The following AGAP1 variants were observed in gnomAD, a reference collection of about 807,000 sequenced individuals.
AGAP1 encodes the protein arf-GAP with GTPase, ANK repeat and PH domain-containing protein 1.
In AGAP1, 29 loss-of-function variants were observed where a neutral mutation model predicts 105.3. The ratio of observed to expected loss-of-function variants is 0.28; its 90% CI spans 0.21 to 0.38. The LOEUF is 0.38. Among genes scored for constraint, AGAP1 ranks in the 10% least tolerant of loss-of-function variants. The pLI, the probability that AGAP1 is intolerant of heterozygous loss-of-function variation, is 1.00. For missense variants in AGAP1, 998 were observed against 1,165.1 expected, an observed-to-expected ratio of 0.86 and a Z score of 2.09; for synonymous variants, 509 against 485.9, an observed-to-expected ratio of 1.05 and a Z score of -0.63.
At chr2:235,640,606 T>C (rs78761959) in intron 1 of AGAP1, among the ~76,000 whole-genome samples, 2,058 of 152,322 alleles carry the variant, frequency 0.014, 44 homozygotes, top group African/African-American at 0.046. Context: ...AGCTGTCTAA[T>C]TGGCAATGAC....
chr2:235,816,915 A>C (rs1385247491), intron 9 of AGAP1, among the ~76,000 whole-genome samples: 12 of 152,072 alleles, frequency 7.9e-5, no homozygotes, highest in Admixed American at 7.9e-4. Context: ...TACCAAGACC[A>C]AGACTCCTAA....
rs554204651 is a variant in AGAP1 at position 235,866,734 on chromosome 2, G to T, written c.1051-16611G>T. Among the ~76,000 whole-genome samples, 1 of 152,320 alleles carries T rather than the reference G, an allele frequency of 6.6e-6. No individual in the cohort carries two copies. Among genetic ancestry groups the T allele is most frequent in the East Asian group, 1.9e-4 (1 of 5,184 alleles). The stretch of plus-strand genomic sequence containing the variant: ...GGAAGTCTTGGATCAAGGCCTCAGT[G>T]GGATTGGCTTCTCCTGAAGCCTCTC... On this transcript the variant is annotated intron_variant, in intron 9 of 17. Coordinates refer to ENST00000304032, the MANE Select transcript of AGAP1 (RefSeq NM_001037131.3). This position sits in a 1 kb window ranked among gnomAD's most constrained non-coding sequence, Gnocchi z 6.1.
At chr2:235,851,611 G>A (rs1020467133) in intron 9 of AGAP1, among the ~76,000 whole-genome samples, 12 of 152,168 alleles carry the variant, frequency 7.9e-5, no homozygotes, top group Middle Eastern at 3.4e-3. Flanking sequence ...GGATGCCCGC[G>A]GCAGCATACT....
intron 16 of AGAP1, among the ~76,000 whole-genome samples, chr2:236,077,151 A>G (rs2058662450): frequency 6.8e-6 from 1 of 147,584 alleles, no homozygotes; most frequent in African/African-American, 2.5e-5. Context: ...AAATATATAT[A>G]TATATATATT....
rs77821314 is a variant in AGAP1, at chr2:236,026,389, G to A, written c.1646-10172G>A. Among the ~76,000 whole-genome samples, 731 of 152,316 alleles carry A rather than the reference G, an allele frequency of 4.8e-3. 3 individuals carry two copies. Among genetic ancestry groups the A allele is most frequent in the African/African-American group, 0.017 (691 of 41,576 alleles). On this transcript the variant is annotated intron_variant, in intron 13 of 17. Coordinates refer to ENST00000304032, the MANE Select transcript of AGAP1 (RefSeq NM_001037131.3). ...CCACCTCTGTGTACCATGTCCCCCA[G>A]CATTTACCAGACTGACCTGATTGTG...
At chr2:235,567,888 G>A (rs745735369) in intron 1 of AGAP1, among the ~76,000 whole-genome samples, 7 of 152,124 alleles carry the variant, frequency 4.6e-5, no homozygotes, top group South Asian at 2.1e-4. Context: ...CTCAATATGC[G>A]GAGGGGCTTG....
chr2:235,666,273 G>A (rs1417488833), intron 1 of AGAP1, among the ~76,000 whole-genome samples: 1 of 152,016 alleles, frequency 6.6e-6, no homozygotes, highest in African/African-American at 2.4e-5. Context: ...TGGCAGTCTA[G>A]TGTTTAAAAA....
intron 1 of AGAP1, among the ~76,000 whole-genome samples, chr2:235,579,870 C>T (rs1166519139): frequency 6.6e-6 from 1 of 152,228 alleles, no homozygotes; most frequent in East Asian, 1.9e-4. Context: ...TCACCCCCGC[C>T]CAGGGGAAAC....
chr2:235,822,379 G>A (rs1386032666), intron 9 of AGAP1, among the ~76,000 whole-genome samples: 1 of 152,208 alleles, frequency 6.6e-6, no homozygotes, highest in African/African-American at 2.4e-5. Context: ...AGGAACTGGA[G>A]AAGCCCAGGA....
chr2:235,849,191 C>T (rs1340026224), intron 9 of AGAP1, among the ~76,000 whole-genome samples: 1 of 152,110 alleles, frequency 6.6e-6, no homozygotes, highest in Non-Finnish European at 1.5e-5. Flanking sequence ...TAACTGCAGT[C>T]CTAATTATGC....
chr2:235,517,498 G>A lies in AGAP1; in HGVS notation c.163+22649G>A, dbSNP rs1038126617. On this transcript the variant is annotated intron_variant, in intron 1 of 17. Transcript: ENST00000304032. This position sits in a 1 kb window ranked among gnomAD's most constrained non-coding sequence, Gnocchi z 4.1. ...AATTTTATTTTAATTGAGGTCGCAGGGACTAATTTTTACTGGAAAGAAGTA... is the reference window on the plus strand; with the variant it reads ...AATTTTATTTTAATTGAGGTCGCAGAGACTAATTTTTACTGGAAAGAAGTA... Among the ~76,000 whole-genome samples the A allele has an allele frequency of 6.6e-6, 1 of 151,986 alleles. No homozygotes were observed. The highest frequency in any genetic ancestry group is 2.4e-5 in the African/African-American group (1 of 41,352).
At chr2:235,567,538 A>G (rs899744080) in intron 1 of AGAP1, among the ~76,000 whole-genome samples, 1 of 152,082 alleles carries the variant, frequency 6.6e-6, no homozygotes, top group Admixed American at 6.5e-5. Flanking sequence ...GTCCATCTGT[A>G]TGGGAGCTGT....
intron 13 of AGAP1, among the ~76,000 whole-genome samples, chr2:236,030,768 G>A (rs6758225): frequency 0.6 from 91,689 of 152,020 alleles, 28,363 homozygotes; most frequent in South Asian, 0.79. Flanking sequence ...AAGTGTTGGA[G>A]AGGAGAGCGA....
At chr2:235,657,905 C>T (rs1029125160) in intron 1 of AGAP1, among the ~76,000 whole-genome samples, 1 of 152,136 alleles carries the variant, frequency 6.6e-6, no homozygotes, top group Admixed American at 6.5e-5. Flanking sequence ...GACGCAGACA[C>T]ACAGAGGAAA....
At chr2:236,103,580 T>TC (rs1392991713) in intron 16 of AGAP1, among the ~76,000 whole-genome samples, 2 of 151,898 alleles carry the variant, frequency 1.3e-5, no homozygotes, top group African/African-American at 4.8e-5. Flanking sequence ...TTCTTTTTTT[T>TC]CCCCCTGAGA....
chr2:235,722,001 G>A (rs1236506771), intron 3 of AGAP1, among the ~76,000 whole-genome samples: 1 of 152,236 alleles, frequency 6.6e-6, no homozygotes, highest in East Asian at 1.9e-4. Flanking sequence ...TTTTAAAGAT[G>A]CAGTTCAAAT....
intron 9 of AGAP1, among the ~76,000 whole-genome samples, chr2:235,869,294 T>C (rs1217702502): frequency 6.6e-6 from 1 of 151,802 alleles, no homozygotes; most frequent in African/African-American, 2.4e-5. Context: ...CTTAAAACAG[T>C]ACCATTTTGG....
chr2:235,776,964 T>G (rs1955921002), intron 6 of AGAP1: 1 of 471,054 alleles, frequency 2.1e-6, no homozygotes, highest in Admixed American at 2.3e-5. Context: ...CACCTTTGCT[T>G]CCCTTTGCTG....
chr2:235,537,891 T>C (rs922248411), intron 1 of AGAP1, among the ~76,000 whole-genome samples: 2 of 152,218 alleles, frequency 1.3e-5, no homozygotes, highest in African/African-American at 4.8e-5. Context: ...GATTGTGTGC[T>C]TCTGTCATCA....
Sources: gnomAD v4.1 joint callset for allele counts (sites outside exome capture counted in the v4.1 genomes callset) on GRCh38, gnomAD v4.1.1 for gene constraint, Gnocchi (gnomAD v3.1) non-coding constraint, MANE v1.5 for transcripts, NCBI Gene and HGNC (gene_info 2026-07-23, HGNC 2026-07-21) for gene names.